Variants in LRP10 observed in about 807,000 individuals in gnomAD.
LRP10 encodes the protein LDL receptor related protein 10.
LRP10 carries 42 observed loss-of-function variants against 58.5 expected under a neutral mutation model. The ratio of observed to expected loss-of-function variants is 0.72; its 90% confidence interval spans 0.56 to 0.93. The LOEUF is 0.93. Ranked by LOEUF, LRP10 falls within the 40% of genes least tolerant of loss-of-function variation. LRP10 has a pLI of 0.00. For synonymous variants in LRP10, 377 were observed against 388.5 expected (o/e 0.97, Z 0.35); for missense variants, 872 against 940.1 (o/e 0.93, Z 0.95).
At chr14:22,876,859 T>A (rs746482683) in intron 6 of LRP10, 41 bp downstream of exon 6, 2 of 1,607,670 alleles carry the variant, frequency 1.2e-6, no homozygotes, top group Admixed American at 3.4e-5. Context: ...CTGGTCCCAG[T>A]TCTGCTGTGG....
At position 22,877,417 on chromosome 14, in the gene LRP10, C is replaced by T; in HGVS notation, c.2032C>T (p.Pro678Ser). ...AGGACCAACCCGGAGCCCCCCTGGA[C>T]CCCACACAGCAGTCCTGGCCCTGGA... The part of the protein sequence containing the change: ...PPGPTRSPPG[P>S]HTAVLALEDE... Residue 678 changes from proline (P) to serine (S), a missense_variant, in exon 7 of 7, where the codon CCC (proline) becomes TCC (serine). Pro to Ser is a moderately conservative substitution (Grantham distance 74). Coordinates refer to ENST00000359591, the MANE Select transcript of LRP10 (RefSeq NM_014045.5). The surrounding 1 kb of genome is among the most constrained non-coding windows in gnomAD (Gnocchi z 5.1). 1 of 1,613,832 alleles carries T rather than the reference C, an allele frequency of 6.2e-7. No individual in the cohort carries two copies. The highest frequency in any genetic ancestry group is 2.2e-5 in the East Asian group (1 of 44,884).
In LRP10 at chr14:22,879,007, G is replaced by A. The variant is rs1161945302; in HGVS notation, c.*1480G>A. On this transcript the variant is annotated 3_prime_UTR_variant, in exon 7 of 7. Coordinates refer to ENST00000359591, the MANE Select transcript of LRP10 (RefSeq NM_014045.5). ...GAATTCCCTAACGGACCCAGTCCCT[G>A]GGGAAAGAGGCTCCCCTCAGGCTCT... 6.3e-6 allele frequency: 2 copies of A among 316,104 alleles called. No individual in the cohort carries two copies. The highest frequency in any genetic ancestry group is 1.3e-5 in the Non-Finnish European group (2 of 150,554). 19.6% of individuals were successfully genotyped at this position (316,104 alleles called of 1,614,324 possible). A position where few individuals can be genotyped will look rare whatever the true frequency, so the allele number is the denominator to read the frequency against.
rs753371859 is a variant in LRP10 at position 22,873,326 on chromosome 14, C to A, written c.95C>A (p.Pro32Gln). 2.5e-6 allele frequency: 4 copies of A among 1,614,022 alleles called. No homozygotes were observed. Among genetic ancestry groups the A allele is most frequent in the Non-Finnish European group, 3.4e-6 (4 of 1,179,946 alleles). ...CTCTCTCCAGCTTGTGAGGACCCCC[C>A]AGCAGTGCTCTTAGAAGTGCAGGGC... ...IFPNHACEDP[P>Q]AVLLEVQGTL... Residue 32 changes from proline to glutamine, a missense_variant, in exon 3 of 7, where the codon CCA (proline) becomes CAA (glutamine). Transcript: ENST00000359591.
rs1424486090 is a variant in LRP10, at chr14:22,879,768, T to C, written c.*2241T>C. On this transcript the variant is annotated 3_prime_UTR_variant, in exon 7 of 7. Transcript: ENST00000359591. ...GGTGTAGGTAGTAATAATACTCTTG[T>C]CAGCCACAGTGAAGCCCCAAGCTAG... 6.6e-6 allele frequency: 1 copy of C among 152,616 alleles called. No individual in the cohort carries two copies. Among genetic ancestry groups the C allele is most frequent in the Non-Finnish European group, 1.5e-5 (1 of 68,342 alleles). 9.5% of individuals were successfully genotyped at this position (152,616 alleles called of 1,614,324 possible). A position where few individuals can be genotyped will look rare whatever the true frequency, so the allele number is the denominator to read the frequency against.
chr14:22,876,459 AC>A (rs1393749189), intron 5 of LRP10, 87 bp downstream of exon 5: 2 of 1,501,534 alleles, frequency 1.3e-6, no homozygotes, highest in East Asian at 4.5e-5. Flanking sequence ...GAAAGTGCCC[AC>A]CTTGGGGAGA....
chr14:22,872,600 G>A, intron 1 of LRP10, 138 bp from the exon 2 acceptor site: 4 of 822,536 alleles, frequency 4.9e-6, no homozygotes, highest in Non-Finnish European at 3.9e-6. Flanking sequence ...GTCCCACGCC[G>A]CAGCCCTCTC....
chr14:22,876,291 G>A lies in LRP10; in HGVS notation c.1343G>A (p.Gly448Asp). 6.2e-7 allele frequency: 1 copy of A among 1,614,138 alleles called. No homozygotes were observed. Among genetic ancestry groups the A allele is most frequent in the Non-Finnish European group, 8.5e-7 (1 of 1,180,040 alleles). Reference sequence around the variant, plus strand: ...AAGGTCATTACAGCTGCAGTCATTGGCAGCCTAGTGTGCGGCCTGCTCCTG... The same window carrying A: ...AAGGTCATTACAGCTGCAGTCATTGACAGCCTAGTGTGCGGCCTGCTCCTG... ...PRKVITAAVI[G>D]SLVCGLLLVI... The change falls in exon 5 of 7, where the codon GGC becomes GAC. Residue 448 changes from glycine (G) to aspartate (D), a missense_variant. Gly to Asp is a moderately conservative substitution (Grantham distance 94, BLOSUM62 -1). Coordinates refer to ENST00000359591, the MANE Select transcript of LRP10 (RefSeq NM_014045.5).
At position 22,879,738 on chromosome 14, in the gene LRP10, T is replaced by C. The variant is rs1213196054; in HGVS notation, c.*2211T>C. 6.4e-6 allele frequency: 1 copy of C among 155,136 alleles called. No homozygotes were observed. The highest frequency in any genetic ancestry group is 1.4e-5 in the Non-Finnish European group (1 of 69,698). The allele number at this position is 155,136 out of a possible 1,614,324, so 9.6% of individuals were successfully genotyped here. A position where few individuals can be genotyped will look rare whatever the true frequency, so the allele number is the denominator to read the frequency against. ...TTCTCTAGGTTCTGGTTGTGTGCTG[T>C]ACGAGGTGTAGGTAGTAATAATACT... On this transcript the variant is annotated 3_prime_UTR_variant, in exon 7 of 7. Transcript: ENST00000359591.
At chr14:22,873,556 C>T in intron 3 of LRP10, 110 bp downstream of exon 3, 1 of 1,345,940 alleles carries the variant, frequency 7.4e-7, no homozygotes, top group Non-Finnish European at 1.0e-6. Flanking sequence ...CGGAGTTTCA[C>T]TCTTGTCACC....
At position 22,881,607 on chromosome 14, in the gene LRP10, C is replaced by G. The variant is rs1427000840; in HGVS notation, c.*4080C>G. 1 of 152,164 alleles carries G rather than the reference C, an allele frequency of 6.6e-6. No individual in the cohort carries two copies. The highest frequency in any genetic ancestry group is 1.5e-5 in the Non-Finnish European group (1 of 68,036). The allele number at this position is 152,164 out of a possible 1,614,324, so 9.4% of individuals were successfully genotyped here. On this transcript the variant is annotated 3_prime_UTR_variant, in exon 7 of 7. Coordinates refer to ENST00000359591, the MANE Select transcript of LRP10 (RefSeq NM_014045.5). ...TTTGTGTGTGTGTGGTGTTGCCTCCCTGACTACAAGGGGTCACTTGCTACT... is the reference window on the plus strand; with the variant it reads ...TTTGTGTGTGTGTGGTGTTGCCTCCGTGACTACAAGGGGTCACTTGCTACT...
chr14:22,877,408 C>A lies in LRP10; in HGVS notation c.2023C>A (p.Pro675Thr), dbSNP rs2040020349. 6.2e-7 allele frequency: 1 copy of A among 1,613,820 alleles called. No homozygotes were observed. Among genetic ancestry groups the A allele is most frequent in the Non-Finnish European group, 8.5e-7 (1 of 1,179,890 alleles). ...GGGGCCCCCAGGACCAACCCGGAGC[C>A]CCCCTGGACCCCACACAGCAGTCCT... is the stretch of plus-strand genomic sequence containing the variant. ...SLGPPGPTRS[P>T]PGPHTAVLAL... The change falls in exon 7 of 7, where the codon CCC (proline) becomes ACC (threonine). Residue 675 changes from proline to threonine, a missense_variant. Coordinates refer to ENST00000359591, the MANE Select transcript of LRP10 (RefSeq NM_014045.5). This position sits in a 1 kb window ranked among gnomAD's most constrained non-coding sequence, Gnocchi z 5.1.
Position 22,878,455 on chromosome 14 carries a change from T to A in LRP10, c.*928T>A, listed in dbSNP as rs999293576. The A allele has an allele frequency of 6.6e-6, 1 of 152,144 alleles. No homozygotes were observed. Among genetic ancestry groups the A allele is most frequent in the Non-Finnish European group, 1.5e-5 (1 of 68,052 alleles). 9.4% of individuals were successfully genotyped at this position (152,144 alleles called of 1,614,324 possible). Reference sequence around the variant, plus strand: ...AGATCATAGGAGCAGCTGTCCCTGGTGGGACACAGGAGTCATGACTCCTAC... The same window carrying A: ...AGATCATAGGAGCAGCTGTCCCTGGAGGGACACAGGAGTCATGACTCCTAC... On this transcript the variant is annotated 3_prime_UTR_variant, in exon 7 of 7. Coordinates refer to ENST00000359591, the MANE Select transcript of LRP10 (RefSeq NM_014045.5).
At chr14:22,873,030 G>T in intron 2 of LRP10, 1 of 600,886 alleles carries the variant, frequency 1.7e-6, no homozygotes, top group Non-Finnish European at 2.9e-6. Context: ...CTCCCTGAGG[G>T]TAGAGGCAGT....
rs750859947 is a variant in LRP10, at chr14:22,875,507, G to A, written c.559G>A (p.Val187Ile). Residue 187 changes from valine to isoleucine, a missense_variant, in exon 5 of 7, where the codon GTC becomes ATC. Transcript: ENST00000359591. The part of the protein sequence containing the change: ...DPFPGLTPRP[V>I]PSLPCNVTLE... ...CTTCCCTGGCCTGACCCCAAGACCC[G>A]TCCCCTCCCTGCCTTGCAATGTCAC... The A allele has an allele frequency of 1.2e-5, 19 of 1,614,052 alleles. No homozygotes were observed. Among genetic ancestry groups the A allele is most frequent in the Middle Eastern group, 3.3e-4 (2 of 6,084 alleles).
Position 22,872,762 on chromosome 14 carries a change from G to A in LRP10, c.59G>A (p.Arg20Gln). The change falls in exon 2 of 7, where the codon CGG (arginine) becomes CAG (glutamine). Residue 20 changes from arginine (R) to glutamine (Q), a missense_variant. Physicochemically the swap from Arg to Gln is conservative, Grantham distance 43. Transcript: ENST00000359591. ...LLGGALAHPD[R>Q]IIFPNHACED... ...GGAGGCGCTCTGGCCCATCCAGACC[G>A]GATTATTTTTCCAAATCATGGTGAG... The A allele has an allele frequency of 1.2e-6, 2 of 1,614,100 alleles. No individual in the cohort carries two copies. Among genetic ancestry groups the A allele is most frequent in the Non-Finnish European group, 1.7e-6 (2 of 1,180,008 alleles).
rs948175668 is a variant in LRP10, at chr14:22,879,504, C to T, written c.*1977C>T. On this transcript the variant is annotated 3_prime_UTR_variant, in exon 7 of 7. Transcript: ENST00000359591. The stretch of plus-strand genomic sequence containing the variant: ...CCTCTCCTTTGCTCTTCTCTTCCCC[C>T]ATAGCCACCTCAAATACCTGCAGCC... 9 of 219,702 alleles carry T rather than the reference C, an allele frequency of 4.1e-5. No homozygotes were observed. Among genetic ancestry groups the T allele is most frequent in the African/African-American group, 2.0e-4 (9 of 45,100 alleles). The allele number at this position is 219,702 out of a possible 1,614,324, so 13.6% of individuals were successfully genotyped here.
In LRP10 at chr14:22,878,984, A is replaced by ACCCTAACCCT. The variant is rs2040035359; in HGVS notation, c.*1457_*1458insCCCTAACCCT. The ACCCTAACCCT allele has an allele frequency of 3.2e-6, 1 of 314,892 alleles. No individual in the cohort carries two copies. The highest frequency in any genetic ancestry group is 6.6e-6 in the Non-Finnish European group (1 of 151,658). The allele number at this position is 314,892 out of a possible 1,614,324, so 19.5% of individuals were successfully genotyped here. A position where few individuals can be genotyped will look rare whatever the true frequency, so the allele number is the denominator to read the frequency against. The stretch of plus-strand genomic sequence containing the variant: ...GATGCCTCAGGAACAAAACTGAGGA[A>ACCCTAACCCT]TTCCCTAACGGACCCAGTCCCTGGG... On this transcript the variant is annotated 3_prime_UTR_variant, in exon 7 of 7. Transcript: ENST00000359591.
Position 22,872,213 on chromosome 14 carries a change from A to G in LRP10, c.-91A>G. ...GGAGCCCCCCTGGGGAGGCGGCACC[A>G]GGGAGCCTGGGCGCCCGGGGCTCCG... On this transcript the variant is annotated 5_prime_UTR_variant, in exon 1 of 7. Transcript: ENST00000359591. The G allele has an allele frequency of 7.3e-7, 1 of 1,376,458 alleles. No homozygotes were observed. Among genetic ancestry groups the G allele is most frequent in the Non-Finnish European group, 1.0e-6 (1 of 964,020 alleles). 85.3% of individuals were successfully genotyped at this position (1,376,458 alleles called of 1,614,324 possible).
rs765058298 is a variant in LRP10 at position 22,875,151 on chromosome 14, T to G, written c.312T>G (p.Pro104=). Residue 104 remains proline (P), a synonymous_variant, in exon 4 of 7, where the codon CCT becomes CCG. Transcript: ENST00000359591. ...CCCTGTGTGAGGCACCTCCCAGCCC[T>G]CTGCAGCTGCCCGGGGGCAACGTCA... ...LISLCEAPPS[P]LQLPGGNVTI... 1 of 1,613,740 alleles carries G rather than the reference T, an allele frequency of 6.2e-7. No individual in the cohort carries two copies. The highest frequency in any genetic ancestry group is 1.1e-5 in the South Asian group (1 of 90,990).
Sources: gnomAD v4.1 joint callset for allele counts on GRCh38, gnomAD v4.1.1 for gene constraint, Gnocchi (gnomAD v3.1) non-coding constraint, MANE v1.5 for transcripts, NCBI Gene and HGNC (gene_info 2026-07-23, HGNC 2026-07-21) for gene names.